FHIT: variants seen among roughly 807,000 people sequenced by gnomAD.
FHIT encodes fragile histidine triad diadenosine triphosphatase.
FHIT carries 19 observed loss-of-function variants against 17.9 expected under a neutral mutation model. The ratio of observed to expected loss-of-function variants is 1.06; its 90% CI spans 0.74 to 1.56. FHIT has a LOEUF of 1.56. Among genes scored for constraint, FHIT ranks in the 40% most tolerant of loss-of-function variants. The probability of loss-of-function intolerance (pLI) is 0.00; values close to 1 mark genes in which losing one functional copy is unlikely to be tolerated. For missense variants in FHIT, 248 were observed against 189.2 expected, an observed-to-expected ratio of 1.31 and a Z score of -1.82; for synonymous variants, 81 against 69.7, an observed-to-expected ratio of 1.16 and a Z score of -0.81.
At chr3:60,305,407 G>T (rs1476961507) in intron 5 of FHIT, among the ~76,000 whole-genome samples, 1 of 152,066 alleles carries the variant, frequency 6.6e-6, no homozygotes, top group African/African-American at 2.4e-5. Context: ...TATACTTCCA[G>T]AGATTCTCAA....
intron 5 of FHIT, among the ~76,000 whole-genome samples, chr3:60,463,294 A>AT (rs2032585785): frequency 6.6e-6 from 1 of 152,206 alleles, no homozygotes; most frequent in African/African-American, 2.4e-5. Context: ...TTCTGAAGAA[A>AT]TAGTTCACAA....
At chr3:60,973,610 C>T in intron 3 of FHIT, among the ~76,000 whole-genome samples, 1 of 152,134 alleles carries the variant, frequency 6.6e-6, no homozygotes, top group East Asian at 1.9e-4. Flanking sequence ...TTAAGTTACG[C>T]TCCTTGTTGA....
chr3:60,982,283 C>A (rs1710530401), intron 3 of FHIT, among the ~76,000 whole-genome samples: 1 of 152,220 alleles, frequency 6.6e-6, no homozygotes, highest in Admixed American at 6.5e-5. Flanking sequence ...ACTCAAAGTC[C>A]ACTGCTTCCC....
At chr3:60,601,809 C>T (rs1467528031) in intron 4 of FHIT, among the ~76,000 whole-genome samples, 1 of 152,008 alleles carries the variant, frequency 6.6e-6, no homozygotes, top group Non-Finnish European at 1.5e-5. Flanking sequence ...TCAATAACAG[C>T]TCAAAATTGA....
chr3:59,887,472 T>C (rs1048604129), intron 8 of FHIT, among the ~76,000 whole-genome samples: 1 of 152,120 alleles, frequency 6.6e-6, no homozygotes, highest in African/African-American at 2.4e-5. Flanking sequence ...GCTGCAGCAG[T>C]CAGAGAGCCA....
intron 5 of FHIT, among the ~76,000 whole-genome samples, chr3:60,319,271 C>T (rs1553743048): frequency 6.6e-6 from 1 of 152,074 alleles, no homozygotes; most frequent in Non-Finnish European, 1.5e-5. Context: ...CTCATCCACC[C>T]ACCCACTCAC....
intron 7 of FHIT, among the ~76,000 whole-genome samples, chr3:59,948,837 T>C (rs1706969802): frequency 6.6e-6 from 1 of 151,136 alleles, no homozygotes; most frequent in South Asian, 2.1e-4. Context: ...ATCATAAAGT[T>C]TTTTTTTTCC....
At chr3:60,530,637 C>A (rs1479913507) in intron 5 of FHIT, among the ~76,000 whole-genome samples, 1 of 152,146 alleles carries the variant, frequency 6.6e-6, no homozygotes, top group Non-Finnish European at 1.5e-5. Context: ...AGTCCTCAAC[C>A]TTGGCAGCTC....
At chr3:60,106,612 T>C (rs1020768319) in intron 5 of FHIT, among the ~76,000 whole-genome samples, 7 of 152,132 alleles carry the variant, frequency 4.6e-5, no homozygotes, top group African/African-American at 9.7e-5. Context: ...GGGGGTACTG[T>C]TGTATATCAA....
chr3:60,968,251 C>A (rs1194029616), intron 3 of FHIT, among the ~76,000 whole-genome samples: 1 of 152,188 alleles, frequency 6.6e-6, no homozygotes, highest in Non-Finnish European at 1.5e-5. Flanking sequence ...GCATAAACGT[C>A]ACCTTGTGGC....
At chr3:60,213,440 T>A (rs1703548815) in intron 5 of FHIT, among the ~76,000 whole-genome samples, 1 of 152,200 alleles carries the variant, frequency 6.6e-6, no homozygotes, top group Non-Finnish European at 1.5e-5. Flanking sequence ...GAACAATCGC[T>A]GGGGCATATT....
At chr3:60,852,598 C>T (rs1302040689) in intron 3 of FHIT, among the ~76,000 whole-genome samples, 1 of 151,994 alleles carries the variant, frequency 6.6e-6, no homozygotes, top group Non-Finnish European at 1.5e-5. Context: ...CATTCCATCA[C>T]TCGCTCTAGA....
chr3:60,132,271 A>G (rs1281722368), intron 5 of FHIT, among the ~76,000 whole-genome samples: 4 of 152,174 alleles, frequency 2.6e-5, no homozygotes, highest in Non-Finnish European at 5.9e-5. Context: ...TCACTATCAC[A>G]CAAGCCTCCG....
chr3:60,560,559 G>T (rs1381182013), intron 4 of FHIT, among the ~76,000 whole-genome samples: 1 of 152,012 alleles, frequency 6.6e-6, no homozygotes, highest in African/African-American at 2.4e-5. Context: ...CCCCAGGTCT[G>T]CAGTGACATA....
chr3:61,214,917 C>T (rs74627412), intron 1 of FHIT, among the ~76,000 whole-genome samples: 58,989 of 151,008 alleles, frequency 0.39, 11,843 homozygotes, highest in East Asian at 0.52. Context: ...CACATGATTA[C>T]CTCAATAGAT....
chr3:60,554,386 T>G (rs749036807), intron 4 of FHIT, among the ~76,000 whole-genome samples: 138 of 152,164 alleles, frequency 9.1e-4, no homozygotes, highest in Non-Finnish European at 1.7e-3. Context: ...TACTGTTATG[T>G]ATCTTTCTGG....
intron 5 of FHIT, among the ~76,000 whole-genome samples, chr3:60,185,074 C>G (rs1246729079): frequency 6.6e-6 from 1 of 152,118 alleles, no homozygotes; most frequent in African/African-American, 2.4e-5. Context: ...TGCCATTTCT[C>G]CAAAGAACCT....
rs557557595 is a variant in FHIT, at chr3:59,780,603, C to A, written c.349-28282G>T. Among the ~76,000 whole-genome samples, 2 of 152,142 alleles carry A rather than the reference C, an allele frequency of 1.3e-5. 1 individual carries two copies. The highest frequency in any genetic ancestry group is 4.1e-4 in the South Asian group (2 of 4,832). ...TTAAGATATTTGTTAGTAGGGCCTT[C>A]GCAGAGGTGATTAGGGTTAGATGAG... On this transcript the variant is annotated intron_variant, in intron 8 of 9. Transcript: ENST00000492590.
intron 5 of FHIT, among the ~76,000 whole-genome samples, chr3:60,334,476 G>C (rs1710139827): frequency 6.6e-6 from 1 of 152,192 alleles, no homozygotes. Context: ...TACTTGGGTT[G>C]AGTGTCTCAC....
Sources: gnomAD v4.1 joint callset for allele counts (sites outside exome capture counted in the v4.1 genomes callset) on GRCh38, gnomAD v4.1.1 for gene constraint, MANE v1.5 for transcripts, NCBI Gene and HGNC (gene_info 2026-07-23, HGNC 2026-07-21) for gene names.